Variants in CMTM7 observed in about 807,000 individuals in gnomAD.
CMTM7 encodes the protein CKLF-like MARVEL transmembrane domain-containing protein 7.
Under a neutral mutation model 19.3 loss-of-function variants are expected in CMTM7, and 7 were observed. That is an observed-to-expected ratio of 0.36 (90% CI 0.21 to 0.68). The LOEUF is 0.68. CMTM7 is among the 30% of genes least tolerant of loss of function. The pLI is 0.60. For synonymous variants in CMTM7, 87 were observed against 99.3 expected (o/e 0.88, Z 0.74); for missense variants, 193 against 232.6 (o/e 0.83, Z 1.11).
chr3:32,420,002 T>C (rs1474950475), intron 1 of CMTM7, among the ~76,000 whole-genome samples: 1 of 152,214 alleles, frequency 6.6e-6, no homozygotes, highest in Non-Finnish European at 1.5e-5. Flanking sequence ...GTTATGCAGC[T>C]CAATTCAGGA....
intron 1 of CMTM7, among the ~76,000 whole-genome samples, chr3:32,411,039 G>A (rs1696166476): frequency 6.6e-6 from 1 of 152,202 alleles, no homozygotes; most frequent in African/African-American, 2.4e-5. Flanking sequence ...TGGCAGAGGC[G>A]CTACCTTAAG....
intron 1 of CMTM7, among the ~76,000 whole-genome samples, chr3:32,400,202 TAG>T (rs1695979916): frequency 6.6e-6 from 1 of 151,882 alleles, no homozygotes; most frequent in African/African-American, 2.4e-5. Flanking sequence ...GTATTTTTAG[TAG>T]AGACGGGGTT....
At chr3:32,416,528 C>T (rs1231890569) in intron 1 of CMTM7, among the ~76,000 whole-genome samples, 2 of 141,798 alleles carry the variant, frequency 1.4e-5, no homozygotes, top group Non-Finnish European at 3.1e-5. Flanking sequence ...GTAGCTGGGA[C>T]TACAGGCGCC....
At chr3:32,403,963 T>C (rs1159151633) in intron 1 of CMTM7, among the ~76,000 whole-genome samples, 1 of 152,094 alleles carries the variant, frequency 6.6e-6, no homozygotes, top group East Asian at 1.9e-4. Context: ...GGACTAAGTA[T>C]ACACCATATT....
In CMTM7 at chr3:32,407,388, A is replaced by G. The variant is rs1310107824; in HGVS notation, c.159+15323A>G. ...GGGAAGGGAAAAAAATGTTTACTGA[A>G]CAGAAAATAAAAGTTAATGGGAAGC... is the stretch of plus-strand genomic sequence containing the variant. On this transcript the variant is annotated intron_variant, in intron 1 of 4. Transcript: ENST00000334983. Among the ~76,000 whole-genome samples, 5 of 152,226 alleles carry G rather than the reference A, an allele frequency of 3.3e-5. No homozygotes were observed. In the South Asian group the frequency reaches 1.0e-3, roughly 32 times the overall value.
At chr3:32,447,211 T>C (rs1696766052) in intron 2 of CMTM7, among the ~76,000 whole-genome samples, 1 of 152,248 alleles carries the variant, frequency 6.6e-6, no homozygotes, top group Non-Finnish European at 1.5e-5. Flanking sequence ...TTAATCTCTA[T>C]ATATTTCCCT....
chr3:32,449,726 C>T lies in CMTM7; in HGVS notation c.432+174C>T, dbSNP rs930204650. On this transcript the variant is annotated intron_variant, in intron 3 of 4. Transcript: ENST00000334983. The surrounding 1 kb of genome is among the most constrained non-coding windows in gnomAD (Gnocchi z 4.5). ...AGAGCCTTAAGCAGAGGCGTACAGT[C>T]CCAGAAGGTGGATTGTCAGGGCTGC... 2.2e-4 allele frequency among the ~76,000 whole-genome samples: 33 copies of T among 152,296 alleles called. No homozygotes were observed. Among genetic ancestry groups the T allele is most frequent in the African/African-American group, 7.9e-4 (33 of 41,558 alleles).
chr3:32,403,070 C>T (rs573778639), intron 1 of CMTM7, among the ~76,000 whole-genome samples: 1 of 151,664 alleles, frequency 6.6e-6, no homozygotes, highest in South Asian at 2.1e-4. Flanking sequence ...CAGCTCTCAA[C>T]ATTGTTTGTG....
chr3:32,402,750 A>C (rs531160362), intron 1 of CMTM7, among the ~76,000 whole-genome samples: 140 of 152,170 alleles, frequency 9.2e-4, no homozygotes, highest in African/African-American at 3.2e-3. Flanking sequence ...TATTTTTACT[A>C]GAGACAGGTT....
intron 1 of CMTM7, among the ~76,000 whole-genome samples, chr3:32,404,534 A>G (rs1696062616): frequency 6.6e-6 from 1 of 152,230 alleles, no homozygotes; most frequent in Non-Finnish European, 1.5e-5. Flanking sequence ...CTGAGAGGTT[A>G]AAAGTTAAAT....
intron 1 of CMTM7, among the ~76,000 whole-genome samples, chr3:32,420,102 C>G (rs1401061487): frequency 6.6e-6 from 1 of 152,214 alleles, no homozygotes; most frequent in African/African-American, 2.4e-5. Flanking sequence ...TGCTGGGTCC[C>G]TGTTGTCACC....
intron 1 of CMTM7, among the ~76,000 whole-genome samples, chr3:32,425,503 A>T (rs1341419331): frequency 5.3e-5 from 8 of 152,256 alleles, no homozygotes; most frequent in East Asian, 3.9e-4. Flanking sequence ...GAAAAAAAAA[A>T]AAATAAAAGA....
intron 1 of CMTM7, among the ~76,000 whole-genome samples, chr3:32,415,972 T>C (rs1278998493): frequency 6.6e-6 from 1 of 152,218 alleles, no homozygotes; most frequent in African/African-American, 2.4e-5. Flanking sequence ...CTGTAGAGCA[T>C]GTCATACATG....
chr3:32,440,515 C>T (rs977812229), intron 1 of CMTM7, among the ~76,000 whole-genome samples: 6 of 152,148 alleles, frequency 3.9e-5, no homozygotes, highest in Admixed American at 1.3e-4. Context: ...CAATGGCTTA[C>T]GTCCATAATC....
At chr3:32,413,589 G>A (rs614004) in intron 1 of CMTM7, among the ~76,000 whole-genome samples, 75,750 of 151,888 alleles carry the variant, frequency 0.5, 19,205 homozygotes, top group South Asian at 0.6. Flanking sequence ...CATAGTTTTA[G>A]ATTTTTTTAT....
chr3:32,403,630 A>T (rs1696043558), intron 1 of CMTM7, among the ~76,000 whole-genome samples: 1 of 152,192 alleles, frequency 6.6e-6, no homozygotes, highest in South Asian at 2.1e-4. Flanking sequence ...ATAAATACTG[A>T]AGGTGGATTT....
At chr3:32,418,932 A>G (rs763391638) in intron 1 of CMTM7, among the ~76,000 whole-genome samples, 7 of 152,230 alleles carry the variant, frequency 4.6e-5, no homozygotes, top group Admixed American at 1.3e-4. Flanking sequence ...AATAAAGCCT[A>G]TCACTGGGAT....
At chr3:32,435,967 A>T (rs1474367746) in intron 1 of CMTM7, among the ~76,000 whole-genome samples, 1 of 152,188 alleles carries the variant, frequency 6.6e-6, no homozygotes, top group African/African-American at 2.4e-5. Context: ...CCAGCTTCCT[A>T]TGTGTCCTTC....
chr3:32,438,988 A>G (rs1327938943), intron 1 of CMTM7, among the ~76,000 whole-genome samples: 2 of 152,200 alleles, frequency 1.3e-5, no homozygotes, highest in African/African-American at 2.4e-5. Context: ...ATTTTCAGTC[A>G]TGCCTTGAAT....
Sources: allele counts gnomAD v4.1 joint callset (sites outside exome capture counted in the v4.1 genomes callset), GRCh38; gene constraint gnomAD v4.1.1; non-coding constraint Gnocchi (gnomAD v3.1); transcripts MANE v1.5; gene names NCBI Gene and HGNC (gene_info 2026-07-23, HGNC 2026-07-21).